Variants in LRCH3 observed in about 807,000 individuals in gnomAD.
LRCH3 encodes the protein leucine rich repeats and calponin homology domain containing 3.
Under a neutral mutation model 104.5 loss-of-function variants are expected in LRCH3, and 68 were observed. That is an observed-to-expected ratio of 0.65 (90% CI 0.54 to 0.80). The LOEUF (loss-of-function observed/expected upper bound fraction) is 0.80. Ranked by LOEUF, LRCH3 falls within the 30% of genes least tolerant of loss-of-function variation. LRCH3 has a pLI of 0.00. For synonymous variants in LRCH3, 344 were observed against 361.3 expected (o/e 0.95, Z 0.54); for missense variants, 951 against 953.9 (o/e 1.00, Z 0.04).
chr3:197,853,312 C>T (rs1739874785), intron 13 of LRCH3, among the ~76,000 whole-genome samples: 1 of 152,056 alleles, frequency 6.6e-6, no homozygotes, highest in Non-Finnish European at 1.5e-5. Context: ...GCCTCAGCCT[C>T]CCGAGTAGCT....
At chr3:197,823,153 A>G (rs575929817) in intron 4 of LRCH3, 103 of 142,094 alleles carry the variant, frequency 7.2e-4, no homozygotes, top group African/African-American at 2.6e-3. Context: ...TATTTTTAGT[A>G]GAGACGGGGT....
intron 20 of LRCH3, among the ~76,000 whole-genome samples, chr3:197,880,237 G>A (rs558234224): frequency 3.0e-4 from 46 of 151,746 alleles, no homozygotes; most frequent in Middle Eastern, 3.4e-3. Context: ...GAGCCACCGC[G>A]CCCGGCCTGT....
intron 1 of LRCH3, among the ~76,000 whole-genome samples, chr3:197,808,913 A>G (rs1174112034): frequency 6.8e-6 from 1 of 147,262 alleles, no homozygotes; most frequent in Non-Finnish European, 1.5e-5. Context: ...AAAAAAAAGG[A>G]TGATGTTCTG....
At chr3:197,881,394 T>C in intron 20 of LRCH3, 8 of 986,454 alleles carry the variant, frequency 8.1e-6, no homozygotes, top group Non-Finnish European at 9.6e-6. Context: ...GCCCAGTCTA[T>C]ACGCTGTATG....
In LRCH3 at chr3:197,832,357, A is replaced by G. The variant is rs758456961; in HGVS notation, c.1102+40A>G. 4.4e-6 allele frequency: 7 copies of G among 1,593,844 alleles called. No homozygotes were observed. In the Admixed American group the frequency reaches 5.1e-5, roughly 12 times the overall value. On this transcript the variant is annotated intron_variant, in intron 8 of 20. Transcript: ENST00000425562. ...GGTGACAGCTAAAGTGTTTGCAACC[A>G]TTTAACTTTTTAAAGTTGTCTTTTT...
At chr3:197,870,346 G>A (rs188015753) in intron 18 of LRCH3, 68 bp downstream of exon 18, 34 of 1,395,416 alleles carry the variant, frequency 2.4e-5, no homozygotes, top group African/African-American at 4.3e-5. Context: ...CTGTGATCAC[G>A]TCTTCATTTG....
At chr3:197,882,155 G>T (rs1382615779) in intron 20 of LRCH3, 1 of 985,466 alleles carries the variant, frequency 1.0e-6, no homozygotes, top group East Asian at 1.1e-4. Flanking sequence ...CAGCTGGGAG[G>T]TGAGGGTGCC....
intron 19 of LRCH3, among the ~76,000 whole-genome samples, chr3:197,873,722 C>A (rs973001907): frequency 6.6e-6 from 1 of 151,942 alleles, no homozygotes; most frequent in African/African-American, 2.4e-5. Flanking sequence ...GAGACCCTGA[C>A]CCTAAAAAAG....
intron 19 of LRCH3, among the ~76,000 whole-genome samples, chr3:197,872,276 G>A (rs1246435238): frequency 6.7e-6 from 1 of 150,204 alleles, no homozygotes; most frequent in Admixed American, 6.7e-5. Context: ...AGGATCACTT[G>A]AGCCCAGGAG....
chr3:197,791,380 C>T lies in LRCH3; in HGVS notation c.102C>T (p.Ser34=), dbSNP rs771881834. 6.7e-5 allele frequency: 107 copies of T among 1,597,914 alleles called. No homozygotes were observed. The highest frequency in any genetic ancestry group is 8.3e-5 in the Non-Finnish European group (98 of 1,173,834). Residue 34 remains serine (S), a synonymous_variant, in exon 1 of 21, where the codon TCC becomes TCT. Coordinates refer to ENST00000425562, the MANE Select transcript of LRCH3 (RefSeq NM_001365715.1). The part of the protein sequence containing the change: ...NLPGVHCGPS[S]GAGPGFGPGS... ...CTGGTGTTCACTGCGGCCCAAGCTC[C>T]GGGGCAGGCCCTGGTTTTGGCCCGG...
chr3:197,870,826 TG>T (rs1158935769), intron 18 of LRCH3, among the ~76,000 whole-genome samples: 1 of 152,264 alleles, frequency 6.6e-6, no homozygotes, highest in Non-Finnish European at 1.5e-5. Flanking sequence ...TGTTTTGTGA[TG>T]AATGTAAACA....
intron 1 of LRCH3, among the ~76,000 whole-genome samples, chr3:197,806,414 C>T (rs959231818): frequency 2.0e-5 from 3 of 151,856 alleles, no homozygotes; most frequent in Admixed American, 1.3e-4. Context: ...GGCATGAGTG[C>T]CTGGCCTTGA....
intron 8 of LRCH3, among the ~76,000 whole-genome samples, chr3:197,833,338 G>A (rs901031367): frequency 1.3e-4 from 16 of 120,094 alleles, no homozygotes; most frequent in Non-Finnish European, 2.4e-4. Context: ...TGGCCAACAT[G>A]GTGAAACCCC....
At chr3:197,828,591 T>C (rs190870372) in intron 5 of LRCH3, among the ~76,000 whole-genome samples, 3,989 of 151,672 alleles carry the variant, frequency 0.026, 86 homozygotes, top group East Asian at 0.054. Flanking sequence ...ATGATCCACC[T>C]GCCTCGGCCT....
chr3:197,811,973 G>C (rs1020424001), intron 1 of LRCH3, among the ~76,000 whole-genome samples: 2 of 152,176 alleles, frequency 1.3e-5, no homozygotes, highest in African/African-American at 4.8e-5. Flanking sequence ...AGAAGAGGCA[G>C]ATTACATTTC....
Position 197,880,100 on chromosome 3 carries a change from C to T in LRCH3, c.2209-3441C>T, listed in dbSNP as rs534721740. Reference sequence around the variant, plus strand: ...AGCTGGGACTACAGGCGCCCGCCACCACGCCCGGCTAATTTTTTGTATTTT... The same window carrying T: ...AGCTGGGACTACAGGCGCCCGCCACTACGCCCGGCTAATTTTTTGTATTTT... On this transcript the variant is annotated intron_variant, in intron 20 of 20. Coordinates refer to ENST00000425562, the MANE Select transcript of LRCH3 (RefSeq NM_001365715.1). Among the ~76,000 whole-genome samples, 112 of 151,154 alleles carry T rather than the reference C, an allele frequency of 7.4e-4. 1 individual carries two copies. Among genetic ancestry groups the T allele is most frequent in the Middle Eastern group, 3.4e-3 (1 of 294 alleles).
chr3:197,875,533 A>C (rs140023763), intron 19 of LRCH3, among the ~76,000 whole-genome samples, 165 bp from the exon 20 acceptor site: 36 of 152,200 alleles, frequency 2.4e-4, no homozygotes, highest in African/African-American at 8.2e-4. Context: ...ATGCAACTAT[A>C]GTCCCAGCTA....
intron 4 of LRCH3, among the ~76,000 whole-genome samples, chr3:197,821,412 T>C (rs1359781469): frequency 1.3e-5 from 2 of 152,216 alleles, no homozygotes; most frequent in African/African-American, 4.8e-5. Context: ...AAATGAGAGC[T>C]ATTATTTTAT....
At chr3:197,847,547 C>A in intron 11 of LRCH3, 87 bp downstream of exon 11, 1 of 1,166,558 alleles carries the variant, frequency 8.6e-7, no homozygotes, top group Non-Finnish European at 1.2e-6. Flanking sequence ...CATTAATTGC[C>A]AGGTATATTT....
Sources: gnomAD v4.1 joint callset for allele counts (sites outside exome capture counted in the v4.1 genomes callset) on GRCh38, gnomAD v4.1.1 for gene constraint, MANE v1.5 for transcripts, NCBI Gene and HGNC (gene_info 2026-07-23, HGNC 2026-07-21) for gene names.